ANGPT4: variants seen among roughly 807,000 people sequenced by gnomAD.
ANGPT4 encodes angiopoietin 4, also known as angiopoietin-4.
ANGPT4 carries 50 observed loss-of-function variants against 53.0 expected under a neutral mutation model. The observed-to-expected ratio is 0.94, with a 90% CI of 0.75 to 1.20. The LOEUF is 1.20. Among genes scored for constraint, ANGPT4 ranks in the 50% most tolerant of loss-of-function variants. The pLI, the probability that ANGPT4 is intolerant of heterozygous loss-of-function variation, is 0.00. For missense variants in ANGPT4, 648 were observed against 637.1 expected, an observed-to-expected ratio of 1.02 and a Z score of -0.18; for synonymous variants, 251 against 259.7, an observed-to-expected ratio of 0.97 and a Z score of 0.32.
chr20:911,221 C>T lies in ANGPT4; in HGVS notation c.309+4685G>A, dbSNP rs1020193849. Among the ~76,000 whole-genome samples, 3 of 152,190 alleles carry T rather than the reference C, an allele frequency of 2.0e-5. No individual in the cohort carries two copies. The highest frequency in any genetic ancestry group is 4.4e-5 in the Non-Finnish European group (3 of 68,038). On this transcript the variant is annotated intron_variant, in intron 1 of 8. Coordinates refer to ENST00000381922, the MANE Select transcript of ANGPT4 (RefSeq NM_015985.4). This position sits in a 1 kb window ranked among gnomAD's most constrained non-coding sequence, Gnocchi z 4.9. ...TGACCCACACCCAGTTAGGCAGGGC[C>T]TCACAACTGCCAGGCCGAGGGGCCC...
intron 1 of ANGPT4, among the ~76,000 whole-genome samples, chr20:894,353 G>A (rs1158180598): frequency 6.6e-6 from 1 of 152,122 alleles, no homozygotes; most frequent in Non-Finnish European, 1.5e-5. Flanking sequence ...AGTGCTGTTG[G>A]GGAGGTCAGC....
intron 1 of ANGPT4, among the ~76,000 whole-genome samples, chr20:906,552 C>T (rs1414986977): frequency 6.6e-6 from 1 of 152,266 alleles, no homozygotes; most frequent in Non-Finnish European, 1.5e-5. Context: ...TAATATACTG[C>T]TTTTCCAGAG....
At chr20:910,050 A>G (rs561640099) in intron 1 of ANGPT4, among the ~76,000 whole-genome samples, 159 of 152,198 alleles carry the variant, frequency 1.0e-3, no homozygotes, top group Non-Finnish European at 1.8e-3. Context: ...ATGCCCAGGG[A>G]CCCATCCACC....
intron 2 of ANGPT4, 60 bp downstream of exon 2, chr20:890,153 G>A (rs1179898943): frequency 1.9e-6 from 3 of 1,571,254 alleles, no homozygotes; most frequent in Non-Finnish European, 2.6e-6. Context: ...GATGACTGGG[G>A]CTACGAACCA....
At chr20:915,232 C>CA (rs969802305) in intron 1 of ANGPT4, among the ~76,000 whole-genome samples, 2 of 151,982 alleles carry the variant, frequency 1.3e-5, no homozygotes, top group African/African-American at 4.8e-5. Context: ...TGGCCCCCCC[C>CA]CCAGCTGCAT....
chr20:900,066 T>G (rs1219548340), intron 1 of ANGPT4, among the ~76,000 whole-genome samples: 1 of 152,368 alleles, frequency 6.6e-6, no homozygotes, highest in African/African-American at 2.4e-5. Context: ...GCCCATTCCA[T>G]TCTATCGTCC....
intron 4 of ANGPT4, 48 bp downstream of exon 4, chr20:885,030 C>A (rs750125090): frequency 1.2e-6 from 2 of 1,608,720 alleles, no homozygotes; most frequent in South Asian, 1.1e-5. Context: ...CTCCCCTCCC[C>A]TCTCCTGCCC....
intron 2 of ANGPT4, among the ~76,000 whole-genome samples, 195 bp downstream of exon 2, chr20:890,018 C>T (rs1299130633): frequency 6.6e-6 from 1 of 152,210 alleles, no homozygotes; most frequent in Non-Finnish European, 1.5e-5. Flanking sequence ...GCCCAGCATC[C>T]ACCCCCCAGG....
At chr20:886,333 G>A (rs1981618581) in intron 3 of ANGPT4, among the ~76,000 whole-genome samples, 1 of 152,194 alleles carries the variant, frequency 6.6e-6, no homozygotes, top group Admixed American at 6.5e-5. Flanking sequence ...TAAAAGCAGG[G>A]ACCACATATG....
At chr20:879,880 C>A in intron 5 of ANGPT4, 32 bp from the exon 6 acceptor site, 1 of 1,574,956 alleles carries the variant, frequency 6.3e-7, no homozygotes, top group Non-Finnish European at 8.7e-7. Context: ...CAGCTGGGAG[C>A]CCTTGGAGGT....
rs552097446 is a variant in ANGPT4 at position 886,372 on chromosome 20, A to ATGAGT, written c.588-1048_588-1047insACTCA. Among the ~76,000 whole-genome samples, 135 of 152,360 alleles carry ATGAGT rather than the reference A, an allele frequency of 8.9e-4. 1 individual carries two copies. Among genetic ancestry groups the ATGAGT allele is most frequent in the Non-Finnish European group, 1.6e-3 (106 of 68,034 alleles). On this transcript the variant is annotated intron_variant, in intron 3 of 8. Transcript: ENST00000381922. ...GAGCATTATAAAGGTGGAGAAAAAA[A>ATGAGT]TGAGCAAGCATGTCATGCAGTTATA...
chr20:882,391 T>A (rs1981443682), intron 4 of ANGPT4, among the ~76,000 whole-genome samples: 2 of 152,160 alleles, frequency 1.3e-5, no homozygotes, highest in South Asian at 2.1e-4. Context: ...GGATAGGTTG[T>A]CAACACCAGT....
chr20:909,592 T>A (rs1440786813), intron 1 of ANGPT4, among the ~76,000 whole-genome samples: 1 of 152,204 alleles, frequency 6.6e-6, no homozygotes, highest in Non-Finnish European at 1.5e-5. Context: ...TGCCAGGCCC[T>A]GTACTGAGCC....
At chr20:912,178 C>T (rs540031131) in intron 1 of ANGPT4, among the ~76,000 whole-genome samples, 1 of 152,306 alleles carries the variant, frequency 6.6e-6, no homozygotes, top group South Asian at 2.1e-4. Context: ...GAGTATGGCA[C>T]TTCTTGGATG....
intron 1 of ANGPT4, among the ~76,000 whole-genome samples, chr20:902,512 C>T (rs147217560): frequency 5.9e-5 from 9 of 152,190 alleles, no homozygotes; most frequent in Middle Eastern, 3.4e-3. Flanking sequence ...CGGATATCTA[C>T]GACACATTGT....
chr20:905,110 G>T (rs937965314), intron 1 of ANGPT4, among the ~76,000 whole-genome samples: 6 of 152,070 alleles, frequency 3.9e-5, no homozygotes, highest in African/African-American at 1.4e-4. Flanking sequence ...CTGACTTCTA[G>T]GTCTCCCTGA....
rs775642974 is a variant in ANGPT4, at chr20:870,357, C to G, written c.*2603G>C. ...CAGCCTGGCCAACATGGTGAAAACC[C>G]GTTTCTACTAAAAATACAAAAGTTT... On this transcript the variant is annotated 3_prime_UTR_variant, in exon 9 of 9. Transcript: ENST00000381922. The G allele has an allele frequency of 3.3e-5, 5 of 151,936 alleles. No homozygotes were observed. The highest frequency in any genetic ancestry group is 3.3e-4 in the Admixed American group (5 of 15,240). 9.4% of individuals were successfully genotyped at this position (151,936 alleles called of 1,614,324 possible).
At position 870,248 on chromosome 20, in the gene ANGPT4, G is replaced by A. The variant is rs1043866052; in HGVS notation, c.*2712C>T. The A allele has an allele frequency of 6.6e-6, 1 of 152,312 alleles. No homozygotes were observed. Among genetic ancestry groups the A allele is most frequent in the African/African-American group, 2.4e-5 (1 of 41,448 alleles). The allele number at this position is 152,312 out of a possible 1,614,324, so 9.4% of individuals were successfully genotyped here. ...GAATATTTAAGAACAGGTGTCTGAG[G>A]CTGGGTATGGTGGCTCATGCCTGTA... On this transcript the variant is annotated 3_prime_UTR_variant, in exon 9 of 9. Coordinates refer to ENST00000381922, the MANE Select transcript of ANGPT4 (RefSeq NM_015985.4).
chr20:890,125 G>C (rs1981774964), intron 2 of ANGPT4, 88 bp downstream of exon 2: 39 of 1,508,720 alleles, frequency 2.6e-5, no homozygotes, highest in Non-Finnish European at 3.4e-5. Flanking sequence ...CCCTACTCAG[G>C]GTCAGAGATC....
Sources: allele counts gnomAD v4.1 joint callset (sites outside exome capture counted in the v4.1 genomes callset), GRCh38; gene constraint gnomAD v4.1.1; non-coding constraint Gnocchi (gnomAD v3.1); transcripts MANE v1.5; gene names NCBI Gene and HGNC (gene_info 2026-07-23, HGNC 2026-07-21).